The following EIF2AK1 variants were observed in gnomAD, a reference collection of about 807,000 sequenced individuals.
The protein encoded by EIF2AK1 is eukaryotic translation initiation factor 2 alpha kinase 1, also known as eukaryotic translation initiation factor 2-alpha kinase 1.
A neutral mutation model predicts 77.9 loss-of-function variants in EIF2AK1; 54 were observed. The observed-to-expected ratio is 0.69, with a 90% CI of 0.56 to 0.87. EIF2AK1 has a LOEUF of 0.87. Ranked by LOEUF, EIF2AK1 falls within the 40% of genes least tolerant of loss-of-function variation. The pLI is 0.00. For synonymous variants in EIF2AK1, 314 were observed against 290.5 expected (o/e 1.08, Z -0.82); for missense variants, 810 against 768.6 (o/e 1.05, Z -0.64).
At position 6,027,411 on chromosome 7, in the gene EIF2AK1, T is replaced by G. The variant is rs984017301; in HGVS notation, c.1531-450A>C. 6.6e-6 allele frequency among the ~76,000 whole-genome samples: 1 copy of G among 152,220 alleles called. No homozygotes were observed. Among genetic ancestry groups the G allele is most frequent in the African/African-American group, 2.4e-5 (1 of 41,460 alleles). On this transcript the variant is annotated intron_variant, in intron 13 of 14. Transcript: ENST00000199389. This position sits in a 1 kb window ranked among gnomAD's most constrained non-coding sequence, Gnocchi z 4.5. Reference sequence around the variant, plus strand: ...ACAAACTGCATAAAATCTGTGATACTACTCCTAAAAACAGATTTTTTAGGA... The same window carrying G: ...ACAAACTGCATAAAATCTGTGATACGACTCCTAAAAACAGATTTTTTAGGA...
intron 11 of EIF2AK1, among the ~76,000 whole-genome samples, chr7:6,034,606 A>G (rs1206662318): frequency 6.6e-6 from 1 of 152,222 alleles, no homozygotes; most frequent in East Asian, 1.9e-4. Context: ...CTGCTAGACT[A>G]TAAGCCCTAC....
At chr7:6,050,809 T>C (rs1788588833) in intron 2 of EIF2AK1, among the ~76,000 whole-genome samples, 1 of 151,696 alleles carries the variant, frequency 6.6e-6, no homozygotes, top group African/African-American at 2.4e-5. Context: ...TTCACTGTGT[T>C]AGCCAGGATG....
In EIF2AK1 at chr7:6,023,813, A is replaced by T. The variant is rs1787653837; in HGVS notation, c.*860T>A. ...TTATTTAGGCCAGTTGTCAAGTGTC[A>T]ATAAAAGCATCATGTAATTTATGGT... On this transcript the variant is annotated 3_prime_UTR_variant, in exon 15 of 15. Coordinates refer to ENST00000199389, the MANE Select transcript of EIF2AK1 (RefSeq NM_014413.4). The T allele has an allele frequency of 1.7e-5, 26 of 1,575,062 alleles. No homozygotes were observed. The highest frequency in any genetic ancestry group is 2.2e-5 in the Non-Finnish European group (25 of 1,159,074).
At chr7:6,025,674 C>T (rs956747221) in intron 14 of EIF2AK1, among the ~76,000 whole-genome samples, 4 of 152,164 alleles carry the variant, frequency 2.6e-5, no homozygotes, top group South Asian at 2.1e-4. Flanking sequence ...CTCGCTCTTT[C>T]GCCGAGGCTG....
intron 1 of EIF2AK1, among the ~76,000 whole-genome samples, chr7:6,055,779 G>C (rs539544284): frequency 9.6e-5 from 14 of 146,026 alleles, no homozygotes; most frequent in Non-Finnish European, 1.8e-4. Flanking sequence ...TCAGGAGTTC[G>C]AGACCAGCCT....
At chr7:6,040,659 G>T (rs1376052117) in intron 9 of EIF2AK1, among the ~76,000 whole-genome samples, 1 of 152,152 alleles carries the variant, frequency 6.6e-6, no homozygotes, top group Admixed American at 6.6e-5. Flanking sequence ...CACTCAAGAT[G>T]ATCTGAAGCT....
At chr7:6,034,567 GCT>G (rs1788021351) in intron 11 of EIF2AK1, among the ~76,000 whole-genome samples, 6 of 152,116 alleles carry the variant, frequency 3.9e-5, no homozygotes, top group Admixed American at 2.6e-4. Context: ...TATTTACTGA[GCT>G]GTTTCACTGT....
At chr7:6,048,981 C>T (rs1788521013) in intron 3 of EIF2AK1, 137 bp from the exon 4 acceptor site, 7 of 600,524 alleles carry the variant, frequency 1.2e-5, no homozygotes, top group Non-Finnish European at 1.7e-5. Flanking sequence ...TTCAGTATTA[C>T]TTAAGAGTTT....
At chr7:6,026,444 C>T (rs961370840) in intron 14 of EIF2AK1, 1 of 597,784 alleles carries the variant, frequency 1.7e-6, no homozygotes. Flanking sequence ...CCGGCCTTCG[C>T]TGTGGGGTTG....
Position 6,039,134 on chromosome 7 carries a change from T to C in EIF2AK1, c.1120-463A>G, listed in dbSNP as rs758255142. Among the ~76,000 whole-genome samples, 59 of 152,312 alleles carry C rather than the reference T, an allele frequency of 3.9e-4. 1 individual carries two copies. The highest frequency in any genetic ancestry group is 3.4e-3 in the Middle Eastern group (1 of 294). On this transcript the variant is annotated intron_variant, in intron 9 of 14. Coordinates refer to ENST00000199389, the MANE Select transcript of EIF2AK1 (RefSeq NM_014413.4). ...TGTCTGGCTTCACGTTGTACATAAC[T>C]AATAACTTATTCAATAAAAAGTTAA...
chr7:6,038,562 G>T lies in EIF2AK1; in HGVS notation c.1229C>A (p.Ala410Asp), dbSNP rs750186390. 6.2e-7 allele frequency: 1 copy of T among 1,609,234 alleles called. No homozygotes were observed. ...CGGCAGACCCAGATGGTACTCACAG[G>T]CAGACTCGTCCACATACTCCCGGCC... ...KRGREYVDES[A>D]CPYVMANVAT... The change falls in exon 10 of 15, where the codon GCC (alanine) becomes GAC (aspartate). Residue 410 changes from alanine to aspartate, a missense_variant and splice_region_variant. Ala to Asp is a moderately radical substitution (Grantham distance 126). Around this residue, in one of 3 missense-constraint regions of EIF2AK1, gnomAD observed 549 missense variants for 533.7 expected, o/e 1.03. Coordinates refer to ENST00000199389, the MANE Select transcript of EIF2AK1 (RefSeq NM_014413.4).
intron 4 of EIF2AK1, among the ~76,000 whole-genome samples, chr7:6,048,594 T>C (rs1292801002): frequency 6.6e-6 from 1 of 152,102 alleles, no homozygotes; most frequent in Admixed American, 6.6e-5. Context: ...AGTGTGACCA[T>C]GGAATCCACA....
chr7:6,031,611 G>C (rs758547206), intron 11 of EIF2AK1: 22 of 1,549,322 alleles, frequency 1.4e-5, no homozygotes, highest in Non-Finnish European at 1.9e-5. Context: ...TTTCTGCTCA[G>C]TCACTTCTGG....
chr7:6,035,450 G>T lies in EIF2AK1; in HGVS notation c.1332+1974C>A. 1 of 1,549,972 alleles carries T rather than the reference G, an allele frequency of 6.5e-7. No individual in the cohort carries two copies. Among genetic ancestry groups the T allele is most frequent in the South Asian group, 1.2e-5 (1 of 84,002 alleles). On this transcript the variant is annotated intron_variant, in intron 11 of 14. Transcript: ENST00000199389. This position sits in a 1 kb window ranked among gnomAD's most constrained non-coding sequence, Gnocchi z 5.5. ...TAATCAATACCCATTCTAGGGACACGACAGGCCTCACCACACTCAACTTAA... is the reference window on the plus strand; with the variant it reads ...TAATCAATACCCATTCTAGGGACACTACAGGCCTCACCACACTCAACTTAA...
rs996554427 is a variant in EIF2AK1 at position 6,035,115 on chromosome 7, G to A, written c.1332+2309C>T. Among the ~76,000 whole-genome samples, 8 of 152,260 alleles carry A rather than the reference G, an allele frequency of 5.3e-5. No individual in the cohort carries two copies. The highest frequency in any genetic ancestry group is 2.0e-4 in the Admixed American group (3 of 15,288). ...AGCCTTGAAGGGACACAGCCCTAGCGGGGACGGCACAGGTAAAACAGGCTG... is the reference window on the plus strand; with the variant it reads ...AGCCTTGAAGGGACACAGCCCTAGCAGGGACGGCACAGGTAAAACAGGCTG... On this transcript the variant is annotated intron_variant, in intron 11 of 14. Coordinates refer to ENST00000199389, the MANE Select transcript of EIF2AK1 (RefSeq NM_014413.4). The surrounding 1 kb of genome is among the most constrained non-coding windows in gnomAD (Gnocchi z 5.5).
chr7:6,053,655 G>GC (rs1788670655), intron 2 of EIF2AK1, among the ~76,000 whole-genome samples: 1 of 130,994 alleles, frequency 7.6e-6, no homozygotes, highest in Non-Finnish European at 1.6e-5. Flanking sequence ...GAGCCACCGC[G>GC]CCCAGCCCAT....
At position 6,056,703 on chromosome 7, in the gene EIF2AK1, G is replaced by A. The variant is rs897618785; in HGVS notation, c.119-1999C>T. Among the ~76,000 whole-genome samples, 11 of 143,802 alleles carry A rather than the reference G, an allele frequency of 7.6e-5. No homozygotes were observed. In the South Asian group the frequency reaches 1.8e-3, roughly 23 times the overall value. The allele number at this position is 143,802 out of a possible 152,430, so 94.3% of individuals were successfully genotyped here. A position where few individuals can be genotyped will look rare whatever the true frequency, so the allele number is the denominator to read the frequency against. On this transcript the variant is annotated intron_variant, in intron 1 of 14. Transcript: ENST00000199389. ...CATATGTCAGCACAACAGTATTCTCGGTAACCCAGGAAAAGAAAAATTTTA... is the reference window on the plus strand; with the variant it reads ...CATATGTCAGCACAACAGTATTCTCAGTAACCCAGGAAAAGAAAAATTTTA...
chr7:6,052,155 G>C (rs1319603335), intron 2 of EIF2AK1, among the ~76,000 whole-genome samples: 1 of 122,800 alleles, frequency 8.1e-6, no homozygotes, highest in South Asian at 2.6e-4. Context: ...CTGGGCGACA[G>C]AGCAAGACTC....
intron 1 of EIF2AK1, 57 bp downstream of exon 1, chr7:6,058,909 C>T: frequency 7.0e-7 from 1 of 1,431,574 alleles, no homozygotes; most frequent in East Asian, 3.0e-5. Flanking sequence ...CTTTGCCGCC[C>T]AGAAACGCAG....
Sources: gnomAD v4.1 joint callset for allele counts (sites outside exome capture counted in the v4.1 genomes callset) on GRCh38, gnomAD v4.1.1 for gene constraint, gnomAD v4.1.1 regional missense constraint, Gnocchi (gnomAD v3.1) non-coding constraint, MANE v1.5 for transcripts, NCBI Gene and HGNC (gene_info 2026-07-23, HGNC 2026-07-21) for gene names.